Variants in AGBL1 observed in about 807,000 individuals in gnomAD.
AGBL1 encodes the protein cytosolic carboxypeptidase 4.
Under a neutral mutation model 118.9 loss-of-function variants are expected in AGBL1, and 130 were observed. The ratio of observed to expected loss-of-function variants is 1.09; its 90% confidence interval spans 0.95 to 1.26. The LOEUF (loss-of-function observed/expected upper bound fraction) is 1.26, where lower values mean the gene tolerates loss of function less well. Ranked by LOEUF, AGBL1 falls within the 50% of genes most tolerant of loss-of-function variation. The pLI is 0.00. For missense variants in AGBL1, 1,584 were observed against 1,298.1 expected (o/e 1.22, Z -3.38); for synonymous variants, 555 against 478.9 (o/e 1.16, Z -2.08).
intron 1 of AGBL1, among the ~76,000 whole-genome samples, chr15:86,108,671 G>A (rs1175634839): frequency 1.3e-5 from 2 of 152,146 alleles, no homozygotes; most frequent in Non-Finnish European, 2.9e-5. Context: ...CAAGGAGCGG[G>A]AGCATGGCCA....
intron 15 of AGBL1, 59 bp downstream of exon 15, chr15:86,271,765 C>T (rs374468229): frequency 3.7e-4 from 536 of 1,464,592 alleles, no homozygotes; most frequent in Non-Finnish European, 4.8e-4. Flanking sequence ...CTCAATTTCC[C>T]ACTTTTCCAT....
At chr15:86,238,876 A>AACT (rs2078597090) in intron 6 of AGBL1, among the ~76,000 whole-genome samples, 1 of 151,856 alleles carries the variant, frequency 6.6e-6, no homozygotes. Flanking sequence ...GCTGGTCTTG[A>AACT]ACTCCTGGCT....
chr15:86,693,903 G>C (rs191339563), intron 22 of AGBL1, among the ~76,000 whole-genome samples: 25 of 152,146 alleles, frequency 1.6e-4, no homozygotes, highest in African/African-American at 5.5e-4. Flanking sequence ...TCAGTTTGCT[G>C]TAAGTATTTG....
At chr15:86,185,977 G>A (rs1185300961) in intron 5 of AGBL1, among the ~76,000 whole-genome samples, 1 of 152,108 alleles carries the variant, frequency 6.6e-6, no homozygotes, top group East Asian at 1.9e-4. Context: ...CTCAAGTTCA[G>A]CTTTTGTTTT....
chr15:86,972,117 C>G (rs2081114662), intron 23 of AGBL1, among the ~76,000 whole-genome samples: 1 of 152,008 alleles, frequency 6.6e-6, no homozygotes, highest in Non-Finnish European at 1.5e-5. Context: ...CGAACTAATA[C>G]ACTGATGAAT....
chr15:86,831,966 C>T (rs542379532), intron 22 of AGBL1, among the ~76,000 whole-genome samples: 23 of 152,226 alleles, frequency 1.5e-4, no homozygotes, highest in Non-Finnish European at 2.8e-4. Flanking sequence ...TGTTGTCAAA[C>T]CTCAATTCTT....
intron 5 of AGBL1, among the ~76,000 whole-genome samples, chr15:86,171,539 C>T (rs2077415270): frequency 6.6e-6 from 1 of 152,020 alleles, no homozygotes; most frequent in Non-Finnish European, 1.5e-5. Flanking sequence ...TAAAAACATT[C>T]AATTCATCCA....
chr15:86,224,570 A>G (rs1457055754), intron 5 of AGBL1, among the ~76,000 whole-genome samples: 1 of 152,106 alleles, frequency 6.6e-6, no homozygotes, highest in Non-Finnish European at 1.5e-5. Context: ...CCAGAAACAA[A>G]CAAATCAAGA....
chr15:86,436,579 T>C (rs2082002663), intron 18 of AGBL1, among the ~76,000 whole-genome samples: 1 of 152,186 alleles, frequency 6.6e-6, no homozygotes, highest in Non-Finnish European at 1.5e-5. Flanking sequence ...ACAAGCACTG[T>C]GCTAAGCATT....
chr15:86,993,858 C>G (rs777462408), intron 24 of AGBL1, among the ~76,000 whole-genome samples: 19 of 152,076 alleles, frequency 1.2e-4, no homozygotes, highest in Non-Finnish European at 2.1e-4. Flanking sequence ...GCTCTTTAGA[C>G]ACTTCTTTAC....
intron 23 of AGBL1, among the ~76,000 whole-genome samples, chr15:86,933,760 C>T (rs920930509): frequency 1.3e-5 from 2 of 152,316 alleles, no homozygotes; most frequent in South Asian, 2.1e-4. Flanking sequence ...ATTCTAACCA[C>T]TAAGTCTTCT....
chr15:86,389,774 A>G (rs898727309), intron 17 of AGBL1, among the ~76,000 whole-genome samples: 1 of 152,112 alleles, frequency 6.6e-6, no homozygotes, highest in Admixed American at 6.6e-5. Context: ...GAATAGAAGG[A>G]TGTATAACTT....
intron 1 of AGBL1, among the ~76,000 whole-genome samples, chr15:86,125,628 C>G (rs1225666940): frequency 2.6e-5 from 4 of 152,226 alleles, no homozygotes; most frequent in South Asian, 2.1e-4. Flanking sequence ...AGCCACAACT[C>G]TCTATGACTG....
chr15:86,578,622 T>C (rs1346457055), intron 21 of AGBL1, among the ~76,000 whole-genome samples: 1 of 152,204 alleles, frequency 6.6e-6, no homozygotes, highest in Non-Finnish European at 1.5e-5. Context: ...CCACATGTTT[T>C]GGAAGGGACC....
intron 18 of AGBL1, among the ~76,000 whole-genome samples, chr15:86,462,064 T>TA (rs1481289287): frequency 6.6e-6 from 1 of 152,144 alleles, no homozygotes; most frequent in Admixed American, 6.5e-5. Context: ...TGTTGGGCAA[T>TA]AAAAAATGGC....
chr15:86,203,102 G>C (rs1249524659), intron 5 of AGBL1, among the ~76,000 whole-genome samples: 1 of 151,880 alleles, frequency 6.6e-6, no homozygotes, highest in Non-Finnish European at 1.5e-5. Context: ...AAAGAATAAT[G>C]ATAGTGATAA....
intron 23 of AGBL1, among the ~76,000 whole-genome samples, chr15:86,937,993 T>C (rs551155820): frequency 6.6e-6 from 1 of 152,260 alleles, no homozygotes. Flanking sequence ...TTAAATTAAA[T>C]AGAAGAAATG....
intron 17 of AGBL1, among the ~76,000 whole-genome samples, chr15:86,395,422 CCT>C (rs1411330308): frequency 1.3e-5 from 2 of 152,062 alleles, no homozygotes; most frequent in Non-Finnish European, 2.9e-5. Context: ...AATGGCCTTA[CCT>C]CTCTCAGTCA....
At chr15:86,662,782 C>A (rs115790900) in intron 21 of AGBL1, among the ~76,000 whole-genome samples, 9 of 152,148 alleles carry the variant, frequency 5.9e-5, no homozygotes, top group African/African-American at 1.9e-4. Flanking sequence ...ATTTGTATAC[C>A]CCTGGACTTG....
Sources: gnomAD v4.1 joint callset for allele counts (sites outside exome capture counted in the v4.1 genomes callset) on GRCh38, gnomAD v4.1.1 for gene constraint, MANE v1.5 for transcripts, NCBI Gene and HGNC (gene_info 2026-07-23, HGNC 2026-07-21) for gene names.